Variants in HPSE2 observed in about 807,000 individuals in gnomAD.
The protein encoded by HPSE2 is heparanase 2 (inactive).
A neutral mutation model predicts 60.5 loss-of-function variants in HPSE2; 38 were observed. The ratio of observed to expected loss-of-function variants is 0.63; its 90% confidence interval spans 0.48 to 0.82. The LOEUF (loss-of-function observed/expected upper bound fraction) is 0.82, where lower values mean the gene tolerates loss of function less well. Among genes scored for constraint, HPSE2 ranks in the 40% least tolerant of loss-of-function variants. The pLI is 0.00. For synonymous variants in HPSE2, 295 were observed against 293.2 expected, an observed-to-expected ratio of 1.01 and a Z score of -0.06; for missense variants, 713 against 740.4, an observed-to-expected ratio of 0.96 and a Z score of 0.43.
chr10:98,597,970 C>CAA lies in HPSE2; in HGVS notation c.1320+16932_1320+16933dup, dbSNP rs571184082. Among the ~76,000 whole-genome samples the CAA allele has an allele frequency of 5.4e-3, 297 of 55,124 alleles. 15 individuals are homozygous for CAA. The highest frequency in any genetic ancestry group is 0.012 in the South Asian group (21 of 1,746). The allele number at this position is 55,124 out of a possible 152,430, so 36.2% of individuals were successfully genotyped here. On this transcript the variant is annotated intron_variant, in intron 9 of 11. Transcript: ENST00000370552. ...TGGGTGACAGAGTGAGACTCCATCT[C>CAA]AAAAAAAAAAAAAAAAAAAAAAAAA...
At chr10:99,165,411 T>C (rs1038056529) in intron 2 of HPSE2, among the ~76,000 whole-genome samples, 35 of 152,080 alleles carry the variant, frequency 2.3e-4, no homozygotes, top group Admixed American at 1.0e-3. Flanking sequence ...GCCAGATCTG[T>C]AGTCTGCCTT....
At chr10:99,246,576 G>A in the HPSE2 span, among the ~76,000 whole-genome samples, 9 of 152,080 alleles carry the variant, frequency 5.9e-5, no homozygotes, top group South Asian at 2.1e-4. Context: ...GTGAAACCCC[G>A]TCTCTACTAA....
intron 3 of HPSE2, among the ~76,000 whole-genome samples, chr10:98,794,002 A>G (rs1950716012): frequency 6.6e-6 from 1 of 152,188 alleles, no homozygotes; most frequent in South Asian, 2.1e-4. Context: ...AAAAACTGTA[A>G]AGTTTTTTCT....
the HPSE2 span, among the ~76,000 whole-genome samples, chr10:99,299,309 C>T: frequency 3.3e-5 from 5 of 152,212 alleles, no homozygotes; most frequent in Non-Finnish European, 5.9e-5. Context: ...AGATCAGCCC[C>T]CTAAATTGAA....
the HPSE2 span, among the ~76,000 whole-genome samples, chr10:99,259,475 A>T: frequency 2.0e-5 from 3 of 152,216 alleles, no homozygotes; most frequent in African/African-American, 4.8e-5. Flanking sequence ...TGGGCAAAAT[A>T]TTTAAACAGA....
chr10:99,045,402 A>C lies in HPSE2; in HGVS notation c.610+98836T>G, dbSNP rs190110330. Among the ~76,000 whole-genome samples, 3 of 152,220 alleles carry C rather than the reference A, an allele frequency of 2.0e-5. No homozygotes were observed. In the East Asian group the frequency reaches 5.8e-4, roughly 29 times the overall value. On this transcript the variant is annotated intron_variant, in intron 3 of 11. Coordinates refer to ENST00000370552, the MANE Select transcript of HPSE2 (RefSeq NM_021828.5). ...TGAGAAGTTAGAAAGATCTCAAATT[A>C]ACAATCGAACATTGCACCTAAAGGA...
intron 3 of HPSE2, among the ~76,000 whole-genome samples, chr10:99,022,025 A>G (rs999448794): frequency 9.2e-5 from 13 of 141,754 alleles, no homozygotes; most frequent in Non-Finnish European, 1.7e-4. Context: ...ATATCTCCTA[A>G]TGCTATCCCT....
At chr10:98,664,285 C>T (rs1012605768) in intron 6 of HPSE2, among the ~76,000 whole-genome samples, 38 of 152,170 alleles carry the variant, frequency 2.5e-4, no homozygotes, top group African/African-American at 9.2e-4. Context: ...CCACCCACCC[C>T]CACTGCCCAA....
the HPSE2 span, among the ~76,000 whole-genome samples, chr10:99,259,472 AATATTT>A: frequency 1.3e-5 from 2 of 152,214 alleles, no homozygotes; most frequent in African/African-American, 2.4e-5. Flanking sequence ...AAGTGGGCAA[AATATTT>A]AAACAGATAC....
chr10:98,823,215 T>C (rs911094157), intron 3 of HPSE2, among the ~76,000 whole-genome samples: 1 of 152,242 alleles, frequency 6.6e-6, no homozygotes, highest in African/African-American at 2.4e-5. Flanking sequence ...GAATGAATTT[T>C]AGACTTCTGA....
rs887195445 is a variant in HPSE2, at chr10:98,489,125, C to T, written c.1466+926G>A. Among the ~76,000 whole-genome samples the T allele has an allele frequency of 4.6e-5, 7 of 152,092 alleles. No individual in the cohort carries two copies. The East Asian group carries it at 9.6e-4, about 21-fold the overall frequency. On this transcript the variant is annotated intron_variant, in intron 10 of 11. Coordinates refer to ENST00000370552, the MANE Select transcript of HPSE2 (RefSeq NM_021828.5). ...GGCACTTGCTTACCATTCCCTGCCC[C>T]GTATCCCCCCACCAGGTTTTCTTTG...
intron 3 of HPSE2, among the ~76,000 whole-genome samples, chr10:98,953,878 C>A (rs906954837): frequency 6.6e-6 from 1 of 152,150 alleles, no homozygotes; most frequent in Non-Finnish European, 1.5e-5. Context: ...GGAAATAACA[C>A]CTCCAAATTC....
chr10:98,868,226 T>C (rs932124293), intron 3 of HPSE2, among the ~76,000 whole-genome samples: 7 of 151,868 alleles, frequency 4.6e-5, no homozygotes, highest in African/African-American at 1.4e-4. Flanking sequence ...TTATGTTAAA[T>C]GAAATAAGCC....
chr10:98,924,716 C>T (rs1954395948), intron 3 of HPSE2: 2 of 152,242 alleles, frequency 1.3e-5, no homozygotes, highest in Admixed American at 6.5e-5. Flanking sequence ...GCTGTGCCAG[C>T]TGGTGTCTCC....
intron 6 of HPSE2, among the ~76,000 whole-genome samples, chr10:98,671,736 A>G (rs1947512602): frequency 6.6e-6 from 1 of 152,212 alleles, no homozygotes; most frequent in African/African-American, 2.4e-5. Context: ...ATGTAGATTC[A>G]TTAAGAAAGG....
chr10:98,946,454 C>G (rs1324035273), intron 3 of HPSE2, among the ~76,000 whole-genome samples: 6 of 139,394 alleles, frequency 4.3e-5, no homozygotes, highest in Non-Finnish European at 9.1e-5. Context: ...ACCTGGGCAA[C>G]AGAGTGAGAC....
intron 3 of HPSE2, among the ~76,000 whole-genome samples, chr10:98,886,765 A>C (rs1953178327): frequency 6.6e-6 from 1 of 152,176 alleles, no homozygotes; most frequent in Non-Finnish European, 1.5e-5. Context: ...ACAAGAACAG[A>C]GTAAATGTCT....
At chr10:98,646,335 TA>T (rs1236803732) in intron 6 of HPSE2, among the ~76,000 whole-genome samples, 209 of 89,312 alleles carry the variant, frequency 2.3e-3, no homozygotes, top group East Asian at 4.9e-3. Flanking sequence ...TTTTTTTTTT[TA>T]AAAAAACCCT....
intron 3 of HPSE2, chr10:99,013,996 C>T (rs1957076115): frequency 5.7e-6 from 2 of 348,916 alleles, no homozygotes; most frequent in Non-Finnish European, 5.9e-6. Context: ...GACCGCCTGG[C>T]CTCCCTGGCT....
Sources: gnomAD v4.1 joint callset for allele counts (sites outside exome capture counted in the v4.1 genomes callset) on GRCh38, gnomAD v4.1.1 for gene constraint, MANE v1.5 for transcripts, NCBI Gene and HGNC (gene_info 2026-07-23, HGNC 2026-07-21) for gene names.